LPL: variants seen among roughly 807,000 people sequenced by gnomAD.
LPL encodes the protein lipoprotein lipase.
Under a neutral mutation model 52.2 loss-of-function variants are expected in LPL, and 43 were observed. The ratio of observed to expected loss-of-function variants is 0.82; its 90% CI spans 0.64 to 1.06. The LOEUF is 1.06. Among genes scored for constraint, LPL ranks in the 50% least tolerant of loss-of-function variants. LPL has a pLI of 0.00. For missense variants in LPL, 639 were observed against 585.3 expected (o/e 1.09, Z -0.95); for synonymous variants, 244 against 215.6 (o/e 1.13, Z -1.15).
chr8:19,967,027 G>A lies in LPL; in HGVS notation c.*1717G>A, dbSNP rs1325706865. On this transcript the variant is annotated 3_prime_UTR_variant, in exon 10 of 10. Transcript: ENST00000650287. The stretch of plus-strand genomic sequence containing the variant: ...TGGCTTTACATTTTATTTATTAGCT[G>A]TAAATACATGTGTGGATGTGTAAAT... 1 of 152,582 alleles carries A rather than the reference G, an allele frequency of 6.6e-6. No homozygotes were observed. Among genetic ancestry groups the A allele is most frequent in the East Asian group, 1.9e-4 (1 of 5,200 alleles). 9.5% of individuals were successfully genotyped at this position (152,582 alleles called of 1,614,324 possible). A position where few individuals can be genotyped will look rare whatever the true frequency, so the allele number is the denominator to read the frequency against.
chr8:19,946,622 G>T, intron 1 of LPL: 1 of 223,186 alleles, frequency 4.5e-6, no homozygotes, highest in South Asian at 4.6e-5. Flanking sequence ...AGTAGTCCTC[G>T]CAGCCTCATG....
At chr8:19,958,045 A>G (rs287) in intron 6 of LPL, among the ~76,000 whole-genome samples, 40,287 of 150,164 alleles carry the variant, frequency 0.27, 5,470 homozygotes, top group African/African-American at 0.32. Context: ...TTTGAGACAC[A>G]GTCTCGCTCA....
At chr8:19,963,954 TG>T (rs201109344) in intron 9 of LPL, among the ~76,000 whole-genome samples, 2 of 149,890 alleles carry the variant, frequency 1.3e-5, no homozygotes, top group Non-Finnish European at 3.0e-5. Flanking sequence ...TTGTTTGTTT[TG>T]GTTTTTTTTT....
At position 19,954,215 on chromosome 8, in the gene LPL, A is replaced by G. The variant is rs1194544354; in HGVS notation, c.637A>G (p.Thr213Ala). 1.9e-6 allele frequency: 3 copies of G among 1,613,970 alleles called. No homozygotes were observed. The highest frequency in any genetic ancestry group is 2.5e-6 in the Non-Finnish European group (3 of 1,180,034). Residue 213 changes from threonine (T) to alanine (A), a missense_variant, in exon 5 of 10, where the codon ACC becomes GCC. Thr to Ala is a moderately conservative substitution (Grantham distance 58). Coordinates refer to ENST00000650287, the MANE Select transcript of LPL (RefSeq NM_000237.3). The part of the protein sequence containing the change: ...ADFVDVLHTF[T>A]RGSPGRSIGI... ...TTTTGTAGACGTCTTACACACATTC[A>G]CCAGAGGGTCCCCTGGTCGAAGCAT...
chr8:19,949,151 G>A (rs1470919764), intron 2 of LPL, among the ~76,000 whole-genome samples: 1 of 152,168 alleles, frequency 6.6e-6, no homozygotes, highest in African/African-American at 2.4e-5. Flanking sequence ...AAGGATTTGT[G>A]TAAAATGGCT....
intron 6 of LPL, among the ~76,000 whole-genome samples, chr8:19,957,988 TTTTATTTATTTATTTATTTATTTA>T (rs10634207): frequency 7.1e-6 from 1 of 140,808 alleles, no homozygotes; most frequent in African/African-American, 2.6e-5. Flanking sequence ...CCAAGAATTA[TTTTATTTATTTATTTATTTATTTA>T]TTTATTTATT....
At chr8:19,949,411 A>G (rs1457210301) in intron 2 of LPL, among the ~76,000 whole-genome samples, 1 of 152,240 alleles carries the variant, frequency 6.6e-6, no homozygotes, top group Non-Finnish European at 1.5e-5. Flanking sequence ...AGTAAATTCA[A>G]TATTTTGTGA....
intron 5 of LPL, 97 bp downstream of exon 5, chr8:19,954,450 T>C: frequency 7.9e-7 from 1 of 1,265,538 alleles, no homozygotes; most frequent in Non-Finnish European, 1.1e-6. Context: ...GTAGTTTTCA[T>C]ATACACATTT....
At chr8:19,952,299 G>A (rs1187523047) in intron 3 of LPL, among the ~76,000 whole-genome samples, 1 of 152,112 alleles carries the variant, frequency 6.6e-6, no homozygotes, top group Non-Finnish European at 1.5e-5. Context: ...GCTGGCCTGT[G>A]GACATCTTAT....
In LPL at chr8:19,939,486, CAGAGTCTGA is replaced by C. The variant is rs765192293; in HGVS notation, c.47_55del (p.Gln16_Thr19delinsPro). 1 of 1,610,964 alleles carries C rather than the reference CAGAGTCTGA, an allele frequency of 6.2e-7. No individual in the cohort carries two copies. The highest frequency in any genetic ancestry group is 8.5e-7 in the Non-Finnish European group (1 of 1,179,170). ...CGTGCTGACTCTGGCCGTGTGGCTC[CAGAGTCTGA>C]CCGCCTCCCGCGGAGGGGTGGCCGC... On this transcript the variant is annotated inframe_deletion, in exon 1 of 10. Coordinates refer to ENST00000650287, the MANE Select transcript of LPL (RefSeq NM_000237.3). This position sits in a 1 kb window ranked among gnomAD's most constrained non-coding sequence, Gnocchi z 4.0.
At chr8:19,961,702 CA>C (rs324) in intron 8 of LPL, among the ~76,000 whole-genome samples, 166 of 142,564 alleles carry the variant, frequency 1.2e-3, no homozygotes, top group East Asian at 9.4e-3. Context: ...AACAAACAAA[CA>C]AAAAAAAAAA....
chr8:19,960,449 G>C (rs1030344703), intron 7 of LPL, among the ~76,000 whole-genome samples: 6 of 152,110 alleles, frequency 3.9e-5, no homozygotes, highest in African/African-American at 1.4e-4. Context: ...GGTTTATCAA[G>C]TCATTAAAAT....
rs1422122816 is a variant in LPL at position 19,944,179 on chromosome 8, C to G, written c.89-4001C>G. On this transcript the variant is annotated intron_variant, in intron 1 of 9. Transcript: ENST00000650287. This position sits in a 1 kb window ranked among gnomAD's most constrained non-coding sequence, Gnocchi z 4.2. ...CCAGCCTGGGTGACAGAGCAAGACT[C>G]CGTTTCAAAAAATAATAATAAAATA... 3.3e-5 allele frequency among the ~76,000 whole-genome samples: 5 copies of G among 152,036 alleles called. No homozygotes were observed.
intron 2 of LPL, among the ~76,000 whole-genome samples, chr8:19,949,643 C>A (rs368653576): frequency 1.3e-5 from 2 of 152,082 alleles, no homozygotes; most frequent in Non-Finnish European, 2.9e-5. Context: ...CCACCACACC[C>A]GGCCAATTTT....
intron 1 of LPL, among the ~76,000 whole-genome samples, chr8:19,945,494 G>C (rs919215198): frequency 6.6e-6 from 1 of 152,190 alleles, no homozygotes; most frequent in Non-Finnish European, 1.5e-5. Flanking sequence ...TGAAATGAAA[G>C]TCTCTAAATA....
At chr8:19,943,446 G>C (rs955860321) in intron 1 of LPL, among the ~76,000 whole-genome samples, 1 of 152,150 alleles carries the variant, frequency 6.6e-6, no homozygotes, top group Admixed American at 6.5e-5. Context: ...TAACTAAAAA[G>C]AATAGCGTCC....
intron 9 of LPL, 90 bp downstream of exon 9, chr8:19,962,309 G>A (rs1031487984): frequency 5.3e-6 from 5 of 949,724 alleles, no homozygotes; most frequent in African/African-American, 1.6e-5. Context: ...CCCATCACCA[G>A]CAGCTTGCCC....
intron 2 of LPL, 58 bp from the exon 3 acceptor site, chr8:19,951,711 T>C (rs1181610386): frequency 6.3e-7 from 1 of 1,583,380 alleles, no homozygotes; most frequent in East Asian, 2.2e-5. Flanking sequence ...ATTGGGCTGA[T>C]GTATCTATGA....
chr8:19,959,518 C>A, intron 7 of LPL, 138 bp downstream of exon 7: 4 of 1,097,946 alleles, frequency 3.6e-6, no homozygotes, highest in Non-Finnish European at 3.8e-6. Flanking sequence ...AAATTGAGGT[C>A]TTTCCTCTAT....
Sources: gnomAD v4.1 joint callset for allele counts (sites outside exome capture counted in the v4.1 genomes callset) on GRCh38, gnomAD v4.1.1 for gene constraint, Gnocchi (gnomAD v3.1) non-coding constraint, MANE v1.5 for transcripts, NCBI Gene and HGNC (gene_info 2026-07-23, HGNC 2026-07-21) for gene names.